Variants in ROCK2 observed in about 807,000 individuals in gnomAD.
ROCK2 encodes the protein Rho associated coiled-coil containing protein kinase 2, also known as rho-associated protein kinase 2.
Under a neutral mutation model 195.1 loss-of-function variants are expected in ROCK2, and 61 were observed. That is an observed-to-expected ratio of 0.31 (90% CI 0.25 to 0.39). The LOEUF (loss-of-function observed/expected upper bound fraction) is 0.39, where lower values mean the gene tolerates loss of function less well. Among genes scored for constraint, ROCK2 ranks in the 10% least tolerant of loss-of-function variants. The pLI is 1.00. For missense variants in ROCK2, 1,109 were observed against 1,637.4 expected, an observed-to-expected ratio of 0.68 and a Z score of 5.57; for synonymous variants, 504 against 545.5, an observed-to-expected ratio of 0.92 and a Z score of 1.06.
intron 1 of ROCK2, among the ~76,000 whole-genome samples, chr2:11,315,292 T>A (rs1240785920): frequency 6.6e-6 from 1 of 152,090 alleles, no homozygotes; most frequent in Non-Finnish European, 1.5e-5. Context: ...TAAGCAATTA[T>A]AACCACTGAA....
chr2:11,340,023 CAA>C (rs1297645631), intron 1 of ROCK2, among the ~76,000 whole-genome samples: 1 of 152,018 alleles, frequency 6.6e-6, no homozygotes, highest in African/African-American at 2.4e-5. Context: ...AAATAAAAAA[CAA>C]AAAAGTTAGG....
In ROCK2 at chr2:11,281,627, CT is replaced by C. The variant is rs1422396675; in HGVS notation, c.324+4911del. On this transcript the variant is annotated intron_variant, in intron 3 of 32. Coordinates refer to ENST00000315872, the MANE Select transcript of ROCK2 (RefSeq NM_004850.5). ...GCAATACATATGAAATTAAATTCCT[CT>C]ATATGAGCAATGAAAAAGTGGAATT... is the stretch of plus-strand genomic sequence containing the variant. Among the ~76,000 whole-genome samples, 3 of 151,192 alleles carry C rather than the reference CT, an allele frequency of 2.0e-5. No individual in the cohort carries two copies. The East Asian group carries it at 5.8e-4, about 29-fold the overall frequency.
intron 3 of ROCK2, among the ~76,000 whole-genome samples, chr2:11,257,542 C>T (rs771827594): frequency 6.6e-6 from 1 of 151,360 alleles, no homozygotes; most frequent in Non-Finnish European, 1.5e-5. Context: ...TGAGTTTCTT[C>T]GAGTTGCTGC....
chr2:11,238,207 A>AGTGTGT (rs764814189), intron 4 of ROCK2, among the ~76,000 whole-genome samples: 7 of 36,070 alleles, frequency 1.9e-4, no homozygotes, highest in African/African-American at 6.3e-4. Context: ...AAATTGAGAA[A>AGTGTGT]GAGTGTGTGT....
chr2:11,256,346 T>C (rs1666033901), intron 3 of ROCK2, among the ~76,000 whole-genome samples: 3 of 151,210 alleles, frequency 2.0e-5, no homozygotes, highest in South Asian at 2.1e-4. Context: ...TAAAAGTATA[T>C]GGCATTCTCC....
chr2:11,264,151 T>C (rs548958669), intron 3 of ROCK2, among the ~76,000 whole-genome samples: 10 of 152,118 alleles, frequency 6.6e-5, no homozygotes, highest in Non-Finnish European at 1.5e-4. Flanking sequence ...TGTGAATTTA[T>C]AGATGTAATA....
At chr2:11,302,443 G>A (rs1342667578) in intron 1 of ROCK2, among the ~76,000 whole-genome samples, 1 of 152,078 alleles carries the variant, frequency 6.6e-6, no homozygotes, top group Non-Finnish European at 1.5e-5. Flanking sequence ...AAGTAGCTGG[G>A]ATTACAGGCA....
intron 1 of ROCK2, among the ~76,000 whole-genome samples, chr2:11,288,707 C>A (rs976111009): frequency 7.1e-6 from 1 of 139,918 alleles, no homozygotes; most frequent in African/African-American, 2.4e-5. Context: ...GAAAACGAAA[C>A]AGCAGTAAAA....
chr2:11,198,470 T>C (rs759228143), intron 25 of ROCK2, 21 bp downstream of exon 25: 1 of 1,499,782 alleles, frequency 6.7e-7, no homozygotes, highest in Admixed American at 1.8e-5. Context: ...CAAAATCATA[T>C]TTAGATTCTA....
In ROCK2 at chr2:11,217,086, A is replaced by G. The variant is rs1213296275; in HGVS notation, c.1412+4T>C. On this transcript the variant is annotated splice_donor_region_variant and intron_variant, in intron 12 of 32. Coordinates refer to ENST00000315872, the MANE Select transcript of ROCK2 (RefSeq NM_004850.5). ...TGTAATATTTAATTATCTACAAAAC[A>G]TACTTGCACTTCTGTTCCAGTTCCT... 13 of 1,424,788 alleles carry G rather than the reference A, an allele frequency of 9.1e-6. No homozygotes were observed. Among genetic ancestry groups the G allele is most frequent in the East Asian group, 2.3e-5 (1 of 43,868 alleles). The allele number at this position is 1,424,788 out of a possible 1,614,324, so 88.3% of individuals were successfully genotyped here.
intron 3 of ROCK2, among the ~76,000 whole-genome samples, chr2:11,256,456 G>A (rs1417407957): frequency 1.3e-5 from 2 of 151,300 alleles, no homozygotes; most frequent in East Asian, 1.9e-4. Flanking sequence ...GCCCAGCCAC[G>A]CTTCCTGTAC....
chr2:11,332,264 C>G (rs1668791959), intron 1 of ROCK2, among the ~76,000 whole-genome samples: 1 of 152,078 alleles, frequency 6.6e-6, no homozygotes, highest in Admixed American at 6.5e-5. Context: ...TTAGTATTAA[C>G]TAGGCCTTTC....
In ROCK2 at chr2:11,235,689, T is replaced by C. The variant is rs1302800501; in HGVS notation, c.723+13A>G. ...CTCAAAACACTATCGTTTTAAATAA[T>C]TTGCTTACTTACTTCATCCATCTTC... On this transcript the variant is annotated intron_variant, in intron 5 of 32. Coordinates refer to ENST00000315872, the MANE Select transcript of ROCK2 (RefSeq NM_004850.5). This position sits in a 1 kb window ranked among gnomAD's most constrained non-coding sequence, Gnocchi z 4.2. 4.4e-6 allele frequency: 7 copies of C among 1,593,924 alleles called. No homozygotes were observed. The highest frequency in any genetic ancestry group is 1.7e-5 in the Admixed American group (1 of 57,186).
chr2:11,215,822 T>C (rs1452279467), intron 13 of ROCK2, among the ~76,000 whole-genome samples, 177 bp from the exon 14 acceptor site: 6 of 152,212 alleles, frequency 3.9e-5, no homozygotes, highest in African/African-American at 1.4e-4. Context: ...TCTTAAATCA[T>C]AAAGACCGTA....
At chr2:11,258,880 A>G (rs1465192244) in intron 3 of ROCK2, among the ~76,000 whole-genome samples, 1 of 147,684 alleles carries the variant, frequency 6.8e-6, no homozygotes, top group Non-Finnish European at 1.5e-5. Flanking sequence ...AAAGGGATTA[A>G]AAAAAAAAGA....
chr2:11,308,068 G>A (rs1558380151), intron 1 of ROCK2: 1 of 1,607,428 alleles, frequency 6.2e-7, no homozygotes. Flanking sequence ...TGGGGCGCCA[G>A]TTTTAGGAGA....
At chr2:11,240,646 A>T (rs1004279462) in intron 4 of ROCK2, among the ~76,000 whole-genome samples, 3 of 152,188 alleles carry the variant, frequency 2.0e-5, no homozygotes, top group Non-Finnish European at 2.9e-5. Flanking sequence ...GGTACAAGTG[A>T]CCACTTTGGG....
chr2:11,317,566 A>ATCT (rs1197323448), intron 1 of ROCK2, among the ~76,000 whole-genome samples: 5 of 108,376 alleles, frequency 4.6e-5, no homozygotes, highest in African/African-American at 1.8e-4. Flanking sequence ...AGCCGCCCTG[A>ATCT]TCTACACATT....
intron 1 of ROCK2, among the ~76,000 whole-genome samples, chr2:11,304,951 C>T (rs756426097): frequency 1.1e-4 from 17 of 152,134 alleles, no homozygotes; most frequent in African/African-American, 3.6e-4. Flanking sequence ...ATGTAATAAC[C>T]GAACTAGGCT....
Sources: allele counts gnomAD v4.1 joint callset (sites outside exome capture counted in the v4.1 genomes callset), GRCh38; gene constraint gnomAD v4.1.1; non-coding constraint Gnocchi (gnomAD v3.1); transcripts MANE v1.5; gene names NCBI Gene and HGNC (gene_info 2026-07-23, HGNC 2026-07-21).